Variants in IL22RA1 observed in about 807,000 individuals in gnomAD.
IL22RA1 encodes the protein interleukin 22 receptor subunit alpha 1, also known as interleukin-22 receptor subunit alpha-1.
Under a neutral mutation model 32.8 loss-of-function variants are expected in IL22RA1, and 25 were observed. The ratio of observed to expected loss-of-function variants is 0.76; its 90% confidence interval spans 0.55 to 1.06. The LOEUF is 1.06. Among genes scored for constraint, IL22RA1 ranks in the 50% least tolerant of loss-of-function variants. IL22RA1 has a pLI of 0.00. For synonymous variants in IL22RA1, 305 were observed against 305.0 expected (o/e 1.00, Z 0.00); for missense variants, 709 against 727.4 (o/e 0.97, Z 0.29).
At chr1:24,135,200 G>A (rs1234169225) in intron 3 of IL22RA1, among the ~76,000 whole-genome samples, 1 of 152,196 alleles carries the variant, frequency 6.6e-6, no homozygotes, top group African/African-American at 2.4e-5. Flanking sequence ...ATCTTGTTGT[G>A]CAAAATGTTT....
At position 24,123,283 on chromosome 1, in the gene IL22RA1, C is replaced by T; in HGVS notation, c.792+19G>A. 1.2e-6 allele frequency: 2 copies of T among 1,611,962 alleles called. No homozygotes were observed. Among genetic ancestry groups the T allele is most frequent in the Non-Finnish European group, 8.5e-7 (1 of 1,178,752 alleles). ...CCCTCCCCTGGACCTCTCCCTCCCACCCTGGGGGGATGGCTCACCAGGGAG... is the reference window on the plus strand; with the variant it reads ...CCCTCCCCTGGACCTCTCCCTCCCATCCTGGGGGGATGGCTCACCAGGGAG... On this transcript the variant is annotated intron_variant, in intron 6 of 6. Transcript: ENST00000270800.
chr1:24,122,784 G>GGA (rs1644134215), intron 6 of IL22RA1, among the ~76,000 whole-genome samples: 1 of 151,512 alleles, frequency 6.6e-6, no homozygotes, highest in Admixed American at 6.6e-5. Context: ...GGTGACAGAG[G>GGA]GAGACTCCAT....
At chr1:24,142,424 G>A (rs140934620) in intron 1 of IL22RA1, among the ~76,000 whole-genome samples, 5 of 152,314 alleles carry the variant, frequency 3.3e-5, no homozygotes, top group Admixed American at 2.0e-4. Flanking sequence ...CCCCCACTCC[G>A]CTCACTTTAT....
intron 2 of IL22RA1, 102 bp from the exon 3 acceptor site, chr1:24,137,411 C>T (rs1481737881): frequency 4.4e-5 from 45 of 1,033,948 alleles, no homozygotes; most frequent in South Asian, 1.5e-4. Flanking sequence ...TTACTTAGCA[C>T]GTTCAGTGGC....
At chr1:24,124,621 G>A (rs1570902250) in intron 5 of IL22RA1, among the ~76,000 whole-genome samples, 1 of 152,054 alleles carries the variant, frequency 6.6e-6, no homozygotes, top group Non-Finnish European at 1.5e-5. Flanking sequence ...TCTCTTCCTG[G>A]CCCCTGTGCA....
chr1:24,137,268 C>A lies in IL22RA1; in HGVS notation c.218G>T (p.Arg73Leu). Residue 73 changes from arginine (R) to leucine (L), a missense_variant, in exon 3 of 7, where the codon CGG (arginine) becomes CTG (leucine). Coordinates refer to ENST00000270800, the MANE Select transcript of IL22RA1 (RefSeq NM_021258.4). ...CAGGTTGCAGGACTTCCGGGTGATC[C>A]GCTGACAGCCCTTCTTTGCCACCCA... The part of the protein sequence containing the change: ...RDWVAKKGCQ[R>L]ITRKSCNLTV... 1 of 1,614,154 alleles carries A rather than the reference C, an allele frequency of 6.2e-7. No homozygotes were observed. Among genetic ancestry groups the A allele is most frequent in the Non-Finnish European group, 8.5e-7 (1 of 1,180,030 alleles).
Position 24,128,241 on chromosome 1 carries a change from G to A in IL22RA1, c.570C>T (p.Gly190=), listed in dbSNP as rs770651348. 5.6e-6 allele frequency: 9 copies of A among 1,611,468 alleles called. No individual in the cohort carries two copies. The South Asian group carries it at 8.8e-5, about 16-fold the overall frequency. The stretch of plus-strand genomic sequence containing the variant: ...CAAGGAACTCTGTGTCAGGGGTCAG[G>A]CCGAAGAACTCATATTCTCTCTGCT... ...GGKQREYEFF[G]LTPDTEFLGT... is the part of the protein sequence containing the mutation. The change falls in exon 5 of 7, where the codon GGC becomes GGT. Residue 190 remains glycine, a synonymous_variant. Transcript: ENST00000270800.
chr1:24,142,059 T>A (rs1439765825), intron 1 of IL22RA1, among the ~76,000 whole-genome samples: 1 of 152,128 alleles, frequency 6.6e-6, no homozygotes, highest in Non-Finnish European at 1.5e-5. Context: ...CTAACCAGTA[T>A]GGCTGAGGGT....
rs938271519 is a variant in IL22RA1 at position 24,120,680 on chromosome 1, C to T, written c.*125G>A. 2.2e-6 allele frequency: 2 copies of T among 911,208 alleles called. No individual in the cohort carries two copies. Among genetic ancestry groups the T allele is most frequent in the Admixed American group, 2.7e-5 (1 of 37,504 alleles). 56.4% of individuals were successfully genotyped at this position (911,208 alleles called of 1,614,324 possible). On this transcript the variant is annotated 3_prime_UTR_variant, in exon 7 of 7. Coordinates refer to ENST00000270800, the MANE Select transcript of IL22RA1 (RefSeq NM_021258.4). Reference sequence around the variant, plus strand: ...GCCCTGCATGCCACTCCCTCTGCTTCTCTCAAGGGCACCCGTCTGAGGCCA... The same window carrying T: ...GCCCTGCATGCCACTCCCTCTGCTTTTCTCAAGGGCACCCGTCTGAGGCCA...
chr1:24,123,061 C>T (rs1370603981), intron 6 of IL22RA1, among the ~76,000 whole-genome samples: 1 of 152,204 alleles, frequency 6.6e-6, no homozygotes. Flanking sequence ...CACTTCCAAG[C>T]CATGTGGGTT....
intron 3 of IL22RA1, among the ~76,000 whole-genome samples, chr1:24,135,704 C>T (rs1355528526): frequency 1.3e-5 from 2 of 152,160 alleles, no homozygotes; most frequent in Non-Finnish European, 2.9e-5. Flanking sequence ...TTCTTCCTCA[C>T]ATGGTGGCAG....
In IL22RA1 at chr1:24,137,253, G is replaced by A. The variant is rs376646024; in HGVS notation, c.233C>T (p.Ser78Phe). 42 of 1,613,984 alleles carry A rather than the reference G, an allele frequency of 2.6e-5. No homozygotes were observed. The Middle Eastern group carries it at 4.9e-4, about 19-fold the overall frequency. Residue 78 changes from serine (S) to phenylalanine (F), a missense_variant, in exon 3 of 7, where the codon TCC (serine) becomes TTC (phenylalanine). Physicochemically the swap from Ser to Phe is radical, Grantham distance 155 (BLOSUM62 -2). Coordinates refer to ENST00000270800, the MANE Select transcript of IL22RA1 (RefSeq NM_021258.4). ...GCCCGTCTCCACCGTCAGGTTGCAG[G>A]ACTTCCGGGTGATCCGCTGACAGCC... Reference protein sequence around the residue: ...KKGCQRITRKSCNLTVETGNL... With the variant: ...KKGCQRITRKFCNLTVETGNL...
intron 4 of IL22RA1, among the ~76,000 whole-genome samples, chr1:24,128,816 A>G (rs1020290629): frequency 6.6e-6 from 1 of 152,002 alleles, no homozygotes; most frequent in African/African-American, 2.4e-5. Context: ...TTCCATATTC[A>G]TCCTAGTGTT....
chr1:24,128,916 C>G (rs1644183570), intron 4 of IL22RA1, among the ~76,000 whole-genome samples: 1 of 152,208 alleles, frequency 6.6e-6, no homozygotes, highest in African/African-American at 2.4e-5. Flanking sequence ...AGAATAGAGT[C>G]CTGGTGCCTG....
chr1:24,123,680 C>T (rs956427453), intron 5 of IL22RA1: 2 of 701,766 alleles, frequency 2.8e-6, no homozygotes, highest in South Asian at 2.0e-5. Context: ...AGATTTTTTA[C>T]AACCACCTGG....
chr1:24,135,631 C>T (rs1644236411), intron 3 of IL22RA1, among the ~76,000 whole-genome samples: 1 of 152,166 alleles, frequency 6.6e-6, no homozygotes, highest in Non-Finnish European at 1.5e-5. Flanking sequence ...CACAGTTCCA[C>T]ATGGCTGGGG....
At chr1:24,122,292 T>C (rs1310121284) in intron 6 of IL22RA1, among the ~76,000 whole-genome samples, 1 of 151,796 alleles carries the variant, frequency 6.6e-6, no homozygotes, top group African/African-American at 2.4e-5. Context: ...CTTGCTGCTC[T>C]AGCAGAGGCG....
intron 5 of IL22RA1, among the ~76,000 whole-genome samples, chr1:24,126,543 C>T (rs1252161002): frequency 1.3e-5 from 2 of 152,218 alleles, no homozygotes; most frequent in Non-Finnish European, 2.9e-5. Context: ...TAATACCGTG[C>T]CTTCTCATTC....
At chr1:24,138,423 T>C (rs1644257823) in intron 2 of IL22RA1, among the ~76,000 whole-genome samples, 159 bp downstream of exon 2, 1 of 152,142 alleles carries the variant, frequency 6.6e-6, no homozygotes, top group Non-Finnish European at 1.5e-5. Context: ...TTATTCTCCC[T>C]CTGCAAAAGA....
Sources: gnomAD v4.1 joint callset for allele counts (sites outside exome capture counted in the v4.1 genomes callset) on GRCh38, gnomAD v4.1.1 for gene constraint, MANE v1.5 for transcripts, NCBI Gene and HGNC (gene_info 2026-07-23, HGNC 2026-07-21) for gene names.